The following GRM1 variants were observed in gnomAD, a reference collection of about 807,000 sequenced individuals.
GRM1 encodes the protein glutamate metabotropic receptor 1, also known as metabotropic glutamate receptor 1.
A neutral mutation model predicts 90.9 loss-of-function variants in GRM1; 33 were observed. That is an observed-to-expected ratio of 0.36 (90% confidence interval 0.28 to 0.49). GRM1 has a LOEUF of 0.49. GRM1 is among the 20% of genes least tolerant of loss of function. GRM1 has a pLI of 0.99. For synonymous variants in GRM1, 700 were observed against 613.2 expected (o/e 1.14, Z -2.09); for missense variants, 1,190 against 1,534.3 (o/e 0.78, Z 3.75).
intron 3 of GRM1, among the ~76,000 whole-genome samples, chr6:146,305,677 A>G (rs1783554154): frequency 6.6e-6 from 1 of 152,202 alleles, no homozygotes; most frequent in African/African-American, 2.4e-5. Context: ...GGGTGATGGA[A>G]TCTATCCATG....
At chr6:146,286,044 A>C (rs1782756535) in intron 2 of GRM1, among the ~76,000 whole-genome samples, 2 of 152,162 alleles carry the variant, frequency 1.3e-5, no homozygotes, top group African/African-American at 4.8e-5. Context: ...GAACATTCAA[A>C]CTAAGTTATA....
chr6:146,286,067 T>A (rs1182284635), intron 2 of GRM1, among the ~76,000 whole-genome samples: 1 of 152,138 alleles, frequency 6.6e-6, no homozygotes, highest in Non-Finnish European at 1.5e-5. Context: ...GTCATTGTAA[T>A]TAAAAACAGT....
At chr6:146,312,866 G>A (rs900996646) in intron 3 of GRM1, among the ~76,000 whole-genome samples, 41 of 152,172 alleles carry the variant, frequency 2.7e-4, no homozygotes, top group African/African-American at 9.7e-4. Context: ...CAGATCTGAT[G>A]CCCAACATAG....
chr6:146,410,531 C>T (rs1777522150), intron 7 of GRM1, among the ~76,000 whole-genome samples: 1 of 152,038 alleles, frequency 6.6e-6, no homozygotes, highest in Admixed American at 6.6e-5. Context: ...AGAAACCTGG[C>T]CACAACAATG....
chr6:146,033,996 C>A, intron 1 of GRM1, among the ~76,000 whole-genome samples: 1 of 151,980 alleles, frequency 6.6e-6, no homozygotes, highest in South Asian at 2.1e-4. Context: ...ATACATTGCT[C>A]ATTTTATCAT....
intron 1 of GRM1, among the ~76,000 whole-genome samples, chr6:146,116,340 A>T (rs1438298738): frequency 6.6e-6 from 1 of 152,232 alleles, no homozygotes; most frequent in Admixed American, 6.5e-5. Flanking sequence ...CTTGAATTTT[A>T]TCAAAGACTT....
intron 2 of GRM1, among the ~76,000 whole-genome samples, chr6:146,191,229 G>T (rs1778926239): frequency 6.6e-6 from 1 of 152,132 alleles, no homozygotes; most frequent in Non-Finnish European, 1.5e-5. Flanking sequence ...TCTCTGTCAT[G>T]GCATTACCAT....
At chr6:146,194,656 C>G (rs1779055082) in intron 2 of GRM1, among the ~76,000 whole-genome samples, 1 of 152,166 alleles carries the variant, frequency 6.6e-6, no homozygotes, top group Admixed American at 6.5e-5. Flanking sequence ...AGACACAATT[C>G]TTTCCAGAAA....
chr6:146,201,779 G>A (rs1320940376), intron 2 of GRM1, among the ~76,000 whole-genome samples: 1 of 152,178 alleles, frequency 6.6e-6, no homozygotes, highest in East Asian at 1.9e-4. Flanking sequence ...AAGAGGCTAA[G>A]GCTTCAAGAA....
At chr6:146,334,487 A>G (rs1187251417) in intron 3 of GRM1, among the ~76,000 whole-genome samples, 1 of 152,234 alleles carries the variant, frequency 6.6e-6, no homozygotes, top group Non-Finnish European at 1.5e-5. Flanking sequence ...GGTCTTCTGC[A>G]TGGGCACAGA....
At chr6:146,108,602 G>A (rs1775421358) in intron 1 of GRM1, among the ~76,000 whole-genome samples, 1 of 152,152 alleles carries the variant, frequency 6.6e-6, no homozygotes, top group Non-Finnish European at 1.5e-5. Context: ...ATGAAAAATG[G>A]ACTAATACAG....
intron 1 of GRM1, among the ~76,000 whole-genome samples, chr6:146,132,397 G>A (rs961925827): frequency 2.0e-5 from 3 of 152,160 alleles, no homozygotes; most frequent in Non-Finnish European, 4.4e-5. Flanking sequence ...GAAGTTGACA[G>A]ATTATAGGTG....
At chr6:146,195,742 C>T (rs1479845726) in intron 2 of GRM1, among the ~76,000 whole-genome samples, 1 of 152,126 alleles carries the variant, frequency 6.6e-6, no homozygotes, top group African/African-American at 2.4e-5. Flanking sequence ...AGGGAAGATG[C>T]ACAGCAAGAT....
intron 1 of GRM1, among the ~76,000 whole-genome samples, chr6:146,068,858 A>G (rs899467779): frequency 6.6e-6 from 1 of 152,218 alleles, no homozygotes; most frequent in Non-Finnish European, 1.5e-5. Flanking sequence ...AAAGCTACCT[A>G]CTTAATCCAA....
intron 3 of GRM1, among the ~76,000 whole-genome samples, chr6:146,350,219 T>A (rs1785352990): frequency 6.6e-6 from 1 of 152,260 alleles, no homozygotes; most frequent in Non-Finnish European, 1.5e-5. Flanking sequence ...CATAATTTTT[T>A]ATCTATGTAA....
At chr6:146,188,601 T>C (rs1778824055) in intron 2 of GRM1, among the ~76,000 whole-genome samples, 2 of 152,202 alleles carry the variant, frequency 1.3e-5, no homozygotes. Flanking sequence ...AACTTAAACA[T>C]GCCCAATTAT....
At chr6:146,289,577 G>C (rs1365466514) in intron 2 of GRM1, among the ~76,000 whole-genome samples, 1 of 152,128 alleles carries the variant, frequency 6.6e-6, no homozygotes, top group African/African-American at 2.4e-5. Context: ...TAAAGTCTAT[G>C]GTAGAGTAAT....
At chr6:146,046,230 G>A (rs1791325299) in intron 1 of GRM1, among the ~76,000 whole-genome samples, 1 of 151,944 alleles carries the variant, frequency 6.6e-6, no homozygotes, top group African/African-American at 2.4e-5. Context: ...AGCTTGTATT[G>A]TTATTTTCTC....
At chr6:146,359,360 G>A (rs1283356135) in intron 5 of GRM1, among the ~76,000 whole-genome samples, 1 of 152,100 alleles carries the variant, frequency 6.6e-6, no homozygotes, top group Admixed American at 6.6e-5. Flanking sequence ...TCATAAGGTG[G>A]GGAGAGGACA....
Sources: allele counts gnomAD v4.1 joint callset (sites outside exome capture counted in the v4.1 genomes callset), GRCh38; gene constraint gnomAD v4.1.1; transcripts MANE v1.5; gene names NCBI Gene and HGNC (gene_info 2026-07-23, HGNC 2026-07-21).